Variants in PSPC1 observed in about 807,000 individuals in gnomAD.
PSPC1 encodes the protein paraspeckle component 1, also known as paraspeckle protein 1.
A neutral mutation model predicts 51.6 loss-of-function variants in PSPC1; 14 were observed. That is an observed-to-expected ratio of 0.27 (90% CI 0.18 to 0.42). PSPC1 has a LOEUF of 0.42. Among genes scored for constraint, PSPC1 ranks in the 10% least tolerant of loss-of-function variants. The probability of loss-of-function intolerance (pLI) is 1.00; values close to 1 mark genes in which losing one functional copy is unlikely to be tolerated. For missense variants in PSPC1, 406 were observed against 701.1 expected (o/e 0.58, Z 4.75); for synonymous variants, 193 against 231.9 (o/e 0.83, Z 1.53).
chr13:19,738,354 T>C (rs1013499390), intron 5 of PSPC1, among the ~76,000 whole-genome samples: 4 of 152,136 alleles, frequency 2.6e-5, no homozygotes, highest in South Asian at 2.1e-4. Flanking sequence ...CTCCCCCAGA[T>C]ACCAGAATCC....
At chr13:19,701,959 A>G (rs1005569908), downstream of PSPC1, among the ~76,000 whole-genome samples, 5 of 152,204 alleles carry the variant, frequency 3.3e-5, no homozygotes, top group Admixed American at 2.0e-4. Context: ...TAAACATTAT[A>G]ATGTGATAAA....
chr13:19,677,029 T>C (rs918801368), intron 7 of PSPC1, among the ~76,000 whole-genome samples: 1 of 152,010 alleles, frequency 6.6e-6, no homozygotes, highest in Non-Finnish European at 1.5e-5. Flanking sequence ...AGTCAGGAGA[T>C]CGAGACCATC....
chr13:19,676,201 G>T (rs1040040089), intron 7 of PSPC1, among the ~76,000 whole-genome samples: 1 of 151,736 alleles, frequency 6.6e-6, no homozygotes, highest in African/African-American at 2.4e-5. Context: ...TATGAGATTC[G>T]TTCTTTGGAT....
intron 6 of PSPC1, among the ~76,000 whole-genome samples, chr13:19,722,622 C>T (rs886991779): frequency 2.6e-5 from 4 of 151,940 alleles, no homozygotes; most frequent in Non-Finnish European, 4.4e-5. Context: ...GGTGAAACCC[C>T]GTCTCTACCA....
intron 2 of PSPC1, among the ~76,000 whole-genome samples, chr13:19,765,410 A>G (rs1344895180): frequency 6.7e-6 from 1 of 149,572 alleles, no homozygotes; most frequent in Non-Finnish European, 1.5e-5. Flanking sequence ...TGGAGAAAAA[A>G]TAAAATCACT....
intron 2 of PSPC1, among the ~76,000 whole-genome samples, chr13:19,769,281 C>T (rs1239118105): frequency 1.3e-5 from 2 of 151,562 alleles, no homozygotes; most frequent in Admixed American, 6.6e-5. Context: ...AACGGCCGGG[C>T]GCAGTGGCTC....
chr13:19,738,286 C>T (rs903169667), intron 5 of PSPC1, among the ~76,000 whole-genome samples: 1 of 152,084 alleles, frequency 6.6e-6, no homozygotes, highest in Admixed American at 6.6e-5. Context: ...AAATTTGAGT[C>T]TCATTATCCA....
At chr13:19,763,666 G>C (rs1887792099) in intron 2 of PSPC1, among the ~76,000 whole-genome samples, 1 of 152,116 alleles carries the variant, frequency 6.6e-6, no homozygotes, top group African/African-American at 2.4e-5. Flanking sequence ...AAGAAAGGTA[G>C]GGCACTTAGC....
At chr13:19,693,894 T>G (rs1000160605) in intron 6 of PSPC1, among the ~76,000 whole-genome samples, 7 of 151,984 alleles carry the variant, frequency 4.6e-5, no homozygotes, top group African/African-American at 1.7e-4. Context: ...GAGGCCGAGA[T>G]GGGCGGATCA....
chr13:19,678,558 G>C (rs1449836641), intron 6 of PSPC1: 2 of 152,194 alleles, frequency 1.3e-5, no homozygotes, highest in African/African-American at 4.8e-5. Flanking sequence ...CCCTAGATCA[G>C]TGTTGTTAAA....
rs1029932692 is a variant in PSPC1 at position 19,756,692 on chromosome 13, G to A, written c.770+2631C>T. ...TTTTTGTAATTTTAGTAGAGACGGG[G>A]GTTTCACCATGTTAGGCTGGTCTCA... On this transcript the variant is annotated intron_variant, in intron 3 of 8. Coordinates refer to ENST00000338910, the MANE Select transcript of PSPC1 (RefSeq NM_001354909.2). 2.0e-5 allele frequency among the ~76,000 whole-genome samples: 3 copies of A among 151,822 alleles called. No homozygotes were observed. The East Asian group carries it at 5.9e-4, about 30-fold the overall frequency.
intron 4 of PSPC1, among the ~76,000 whole-genome samples, chr13:19,749,176 A>G (rs1799128639): frequency 6.6e-6 from 1 of 152,064 alleles, no homozygotes; most frequent in African/African-American, 2.4e-5. Context: ...GTAAAACCCC[A>G]TCTCTACTAA....
intron 2 of PSPC1, among the ~76,000 whole-genome samples, chr13:19,766,615 G>A (rs1297027174): frequency 2.0e-5 from 3 of 152,136 alleles, no homozygotes; most frequent in African/African-American, 4.8e-5. Flanking sequence ...AGCCTGAGGA[G>A]GCTGAGGGCA....
At chr13:19,747,139 A>T (rs1593696422) in intron 4 of PSPC1, among the ~76,000 whole-genome samples, 1 of 152,298 alleles carries the variant, frequency 6.6e-6, no homozygotes, top group East Asian at 1.9e-4. Flanking sequence ...ACATTTACAA[A>T]AATTTTCTGA....
At chr13:19,744,913 T>C (rs2138067877) in intron 4 of PSPC1, among the ~76,000 whole-genome samples, 1 of 152,308 alleles carries the variant, frequency 6.6e-6, no homozygotes, top group African/African-American at 2.4e-5. Context: ...CTCAGGAATT[T>C]TTCTTAATAA....
At chr13:19,751,574 G>C in intron 3 of PSPC1, 107 bp from the exon 4 acceptor site, 1 of 635,932 alleles carries the variant, frequency 1.6e-6, no homozygotes, top group Non-Finnish European at 2.4e-6. Context: ...GAGACACCGT[G>C]TCTACATGAA....
chr13:19,705,990 A>G (rs187377075), intron 7 of PSPC1, among the ~76,000 whole-genome samples, 159 bp from the exon 8 acceptor site: 1 of 152,362 alleles, frequency 6.6e-6, no homozygotes, highest in Admixed American at 6.5e-5. Context: ...ATAGGGTATT[A>G]CCTACACTCT....
chr13:19,742,721 A>C (rs1566018131), intron 4 of PSPC1, among the ~76,000 whole-genome samples: 1 of 152,324 alleles, frequency 6.6e-6, no homozygotes, highest in Middle Eastern at 3.4e-3. Flanking sequence ...CCTGGGTTGC[A>C]CAGCAGAACT....
At chr13:19,777,665 T>C (rs578081068) in intron 1 of PSPC1, among the ~76,000 whole-genome samples, 2 of 151,758 alleles carry the variant, frequency 1.3e-5, no homozygotes, top group Admixed American at 1.3e-4. Context: ...AAATACAGTC[T>C]CACCAGGCAC....
Sources: gnomAD v4.1 joint callset for allele counts (sites outside exome capture counted in the v4.1 genomes callset) on GRCh38, gnomAD v4.1.1 for gene constraint, MANE v1.5 for transcripts, NCBI Gene and HGNC (gene_info 2026-07-23, HGNC 2026-07-21) for gene names.